KDM2B: variants seen among roughly 807,000 people sequenced by gnomAD.
KDM2B encodes the protein lysine demethylase 2B, also known as lysine-specific demethylase 2B.
Under a neutral mutation model 150.0 loss-of-function variants are expected in KDM2B, and 26 were observed. The ratio of observed to expected loss-of-function variants is 0.17; its 90% CI spans 0.13 to 0.24. The LOEUF (loss-of-function observed/expected upper bound fraction) is 0.24. Ranked by LOEUF, KDM2B falls within the 10% of genes least tolerant of loss-of-function variation. KDM2B has a pLI of 1.00. For synonymous variants in KDM2B, 734 were observed against 729.5 expected (o/e 1.01, Z -0.10); for missense variants, 1,265 against 1,816.9 (o/e 0.70, Z 5.52).
chr12:121,409,918 A>G, the KDM2B span: 29,061 of 151,452 alleles, frequency 0.19, 4,287 homozygotes, highest in African/African-American at 0.41. Context: ...CACTTTGGGA[A>G]GCCGAGGCGG....
At chr12:121,420,284 G>A in the KDM2B span, 2 of 1,597,698 alleles carry the variant, frequency 1.3e-6, no homozygotes, top group Admixed American at 1.7e-5. Flanking sequence ...AGATGATGAT[G>A]ACGACGATGA....
Position 121,534,533 on chromosome 12 carries a change from G to C in KDM2B, c.741C>G (p.Gly247=). Residue 247 remains glycine, a synonymous_variant, in exon 7 of 23, where the codon GGC becomes GGG. Coordinates refer to ENST00000377071, the MANE Select transcript of KDM2B (RefSeq NM_032590.5). ...CFTDFHIDFG[G]TSVWYHVFRG... ...GGAAAACATGGTACCAAACGGAAGTGCCTCCAAAGTCGATGTGGAAGTCGG... is the reference window on the plus strand; with the variant it reads ...GGAAAACATGGTACCAAACGGAAGTCCCTCCAAAGTCGATGTGGAAGTCGG... The C allele has an allele frequency of 6.2e-7, 1 of 1,613,996 alleles. No homozygotes were observed. Among genetic ancestry groups the C allele is most frequent in the Non-Finnish European group, 8.5e-7 (1 of 1,179,946 alleles).
intron 4 of KDM2B, among the ~76,000 whole-genome samples, chr12:121,568,981 G>A (rs75426688): frequency 0.021 from 3,153 of 152,102 alleles, 117 homozygotes; most frequent in African/African-American, 0.072. Flanking sequence ...TGAACACCTG[G>A]TAGTGCACAA....
intron 9 of KDM2B, chr12:121,516,248 AC>A: frequency 3.2e-6 from 1 of 315,230 alleles, no homozygotes; most frequent in South Asian, 2.6e-5. Context: ...CTGCTCGGAC[AC>A]CATGACCACC....
In KDM2B at chr12:121,430,999, A is replaced by G. The variant is rs1872902774; in HGVS notation, c.3830-530T>C. Among the ~76,000 whole-genome samples the G allele has an allele frequency of 6.6e-6, 1 of 152,212 alleles. No homozygotes were observed. Among genetic ancestry groups the G allele is most frequent in the African/African-American group, 2.4e-5 (1 of 41,442 alleles). On this transcript the variant is annotated intron_variant, in intron 22 of 22. Transcript: ENST00000377071. The surrounding 1 kb of genome is among the most constrained non-coding windows in gnomAD (Gnocchi z 4.4). ...GCCGCAGTGCTTTGGAGCAATTCAC[A>G]GCATGAGGGACAGCTGTTTGGCCCT...
At position 121,575,206 on chromosome 12, in the gene KDM2B, T is replaced by C. The variant is rs1891422760; in HGVS notation, c.350+575A>G. ...GCCTGGGACGACACCCCAAGCCTCCTCCCCTGCCCCTGCCCAAGGGGCACA... is the reference window on the plus strand; with the variant it reads ...GCCTGGGACGACACCCCAAGCCTCCCCCCCTGCCCCTGCCCAAGGGGCACA... On this transcript the variant is annotated intron_variant, in intron 3 of 22. Coordinates refer to ENST00000377071, the MANE Select transcript of KDM2B (RefSeq NM_032590.5). The surrounding 1 kb of genome is among the most constrained non-coding windows in gnomAD (Gnocchi z 4.4). Among the ~76,000 whole-genome samples the C allele has an allele frequency of 6.6e-6, 1 of 152,148 alleles. No individual in the cohort carries two copies. The highest frequency in any genetic ancestry group is 1.5e-5 in the Non-Finnish European group (1 of 68,016).
chr12:121,421,241 G>C, the KDM2B span, among the ~76,000 whole-genome samples: 1 of 151,860 alleles, frequency 6.6e-6, no homozygotes, highest in Non-Finnish European at 1.5e-5. Context: ...CTGAGGTTAA[G>C]AACTTCTGAA....
chr12:121,450,654 T>C (rs1877092476), intron 13 of KDM2B, among the ~76,000 whole-genome samples: 1 of 151,930 alleles, frequency 6.6e-6, no homozygotes, highest in Non-Finnish European at 1.5e-5. Flanking sequence ...GGTCAGGAGA[T>C]CCAGACCATC....
At chr12:121,582,252 C>G (rs1555318221), upstream of KDM2B, among the ~76,000 whole-genome samples, 1 of 149,706 alleles carries the variant, frequency 6.7e-6, no homozygotes, top group East Asian at 2.0e-4. Context: ...TCACATAGCG[C>G]GTATGTGCCG....
In KDM2B at chr12:121,452,837, C is replaced by G. The variant is rs1466431958; in HGVS notation, c.1959+283G>C. The stretch of plus-strand genomic sequence containing the variant: ...GAAGGAAGGGCCCAGAACCGTCACC[C>G]AGAACCGTAATGTTGGCAACGGGGT... On this transcript the variant is annotated intron_variant, in intron 13 of 22. Transcript: ENST00000377071. This position sits in a 1 kb window ranked among gnomAD's most constrained non-coding sequence, Gnocchi z 4.4. Among the ~76,000 whole-genome samples, 1 of 152,218 alleles carries G rather than the reference C, an allele frequency of 6.6e-6. No individual in the cohort carries two copies. Among genetic ancestry groups the G allele is most frequent in the African/African-American group, 2.4e-5 (1 of 41,462 alleles).
intron 8 of KDM2B, chr12:121,524,703 C>T (rs1886984782): frequency 2.2e-6 from 1 of 454,224 alleles, no homozygotes. Context: ...CTCGACAGCC[C>T]AGGAAGCATG....
chr12:121,428,554 T>C (rs193137466), downstream of KDM2B, among the ~76,000 whole-genome samples: 1 of 152,316 alleles, frequency 6.6e-6, no homozygotes, highest in African/African-American at 2.4e-5. Context: ...AGAAAAGGCT[T>C]CTTCCACAGG....
intron 4 of KDM2B, among the ~76,000 whole-genome samples, chr12:121,562,891 A>G (rs1301032358): frequency 2.6e-5 from 4 of 152,190 alleles, no homozygotes; most frequent in Non-Finnish European, 5.9e-5. Context: ...CACATATGCG[A>G]TAAAAGATAG....
At chr12:121,417,556 A>G in the KDM2B span, 5 of 1,614,154 alleles carry the variant, frequency 3.1e-6, no homozygotes, top group Non-Finnish European at 2.5e-6. This position sits in a 1 kb window ranked among gnomAD's most constrained non-coding sequence, Gnocchi z 5.0. Flanking sequence ...TCAGTCTTAC[A>G]AGAAAATCTC....
At position 121,575,720 on chromosome 12, in the gene KDM2B, A is replaced by G. The variant is rs1257492612; in HGVS notation, c.350+61T>C. On this transcript the variant is annotated intron_variant, in intron 3 of 22. Coordinates refer to ENST00000377071, the MANE Select transcript of KDM2B (RefSeq NM_032590.5). The surrounding 1 kb of genome is among the most constrained non-coding windows in gnomAD (Gnocchi z 4.4). Reference sequence around the variant, plus strand: ...GAAGAGGGTGGAAGAAATCCATCCCAAGCTATAAAGTATGTTAGGGAGGAA... The same window carrying G: ...GAAGAGGGTGGAAGAAATCCATCCCGAGCTATAAAGTATGTTAGGGAGGAA... The G allele has an allele frequency of 8.4e-7, 1 of 1,195,106 alleles. No individual in the cohort carries two copies. Among genetic ancestry groups the G allele is most frequent in the African/African-American group, 1.5e-5 (1 of 66,846 alleles). The allele number at this position is 1,195,106 out of a possible 1,614,324, so 74.0% of individuals were successfully genotyped here. A position where few individuals can be genotyped will look rare whatever the true frequency, so the allele number is the denominator to read the frequency against.
intron 10 of KDM2B, among the ~76,000 whole-genome samples, chr12:121,512,426 G>A (rs1555304172): frequency 6.6e-6 from 1 of 151,714 alleles, no homozygotes; most frequent in African/African-American, 2.4e-5. Flanking sequence ...CTGTAAAGGG[G>A]AAATAAAAAA....
intron 4 of KDM2B, among the ~76,000 whole-genome samples, chr12:121,559,444 A>C (rs543178926): frequency 1.3e-5 from 2 of 152,282 alleles, no homozygotes; most frequent in East Asian, 3.9e-4. Context: ...AGAAATGGAC[A>C]GGTCACCTGT....
At chr12:121,504,116 G>A (rs1884842829) in intron 11 of KDM2B, among the ~76,000 whole-genome samples, 2 of 152,166 alleles carry the variant, frequency 1.3e-5, no homozygotes, top group Admixed American at 1.3e-4. Flanking sequence ...TCTGTCTGAT[G>A]CAATCACAAT....
At chr12:121,532,673 C>A in intron 8 of KDM2B, 133 bp downstream of exon 8, 2 of 879,026 alleles carry the variant, frequency 2.3e-6, no homozygotes, top group South Asian at 1.6e-5. Flanking sequence ...CTCCAGCCCA[C>A]GGCTGGCTCC....
Sources: gnomAD v4.1 joint callset for allele counts (sites outside exome capture counted in the v4.1 genomes callset) on GRCh38, gnomAD v4.1.1 for gene constraint, Gnocchi (gnomAD v3.1) non-coding constraint, MANE v1.5 for transcripts, NCBI Gene and HGNC (gene_info 2026-07-23, HGNC 2026-07-21) for gene names.